CPNE5: variants seen among roughly 807,000 people sequenced by gnomAD.
CPNE5 encodes the protein copine-5.
A neutral mutation model predicts 81.1 loss-of-function variants in CPNE5; 42 were observed. The observed-to-expected ratio is 0.52, with a 90% CI of 0.40 to 0.67. CPNE5 has a LOEUF of 0.67. CPNE5 is among the 30% of genes least tolerant of loss of function. The pLI is 0.00. For synonymous variants in CPNE5, 313 were observed against 321.5 expected (o/e 0.97, Z 0.28); for missense variants, 612 against 815.5 (o/e 0.75, Z 3.04).
chr6:36,763,602 CA>C (rs55880019), intron 11 of CPNE5, among the ~76,000 whole-genome samples: 18,978 of 122,912 alleles, frequency 0.15, 1,151 homozygotes, highest in South Asian at 0.27. Context: ...GACTCTATCT[CA>C]AAAAAAAAAA....
At position 36,795,458 on chromosome 6, in the gene CPNE5, C is replaced by T. The variant is rs151106806; in HGVS notation, c.405-809G>A. On this transcript the variant is annotated intron_variant, in intron 6 of 20. Transcript: ENST00000244751. ...CCTCCCAAAGTGATTGGATTACAGG[C>T]GTGAGCCACCATGCCCAGCCTGGAG... Among the ~76,000 whole-genome samples the T allele has an allele frequency of 5.2e-3, 796 of 152,290 alleles. 3 individuals are homozygous for T. The highest frequency in any genetic ancestry group is 0.018 in the African/African-American group (748 of 41,540).
At chr6:36,773,093 G>A (rs1304912120) in intron 10 of CPNE5, among the ~76,000 whole-genome samples, 5 of 151,268 alleles carry the variant, frequency 3.3e-5, no homozygotes, top group African/African-American at 4.9e-5. Context: ...TATGTTACGC[G>A]GGCTGGTCTT....
intron 10 of CPNE5, among the ~76,000 whole-genome samples, chr6:36,768,014 C>G (rs187230171): frequency 1.3e-5 from 2 of 152,216 alleles, no homozygotes; most frequent in East Asian, 3.9e-4. Flanking sequence ...GAACTTGCAA[C>G]CCAGGTTGAG....
At chr6:36,784,102 G>T (rs1230872004) in intron 8 of CPNE5, among the ~76,000 whole-genome samples, 1 of 152,206 alleles carries the variant, frequency 6.6e-6, no homozygotes, top group African/African-American at 2.4e-5. Flanking sequence ...TCAGCTAACT[G>T]GAAAAATCCG....
intron 6 of CPNE5, among the ~76,000 whole-genome samples, chr6:36,796,086 C>T (rs1769544591): frequency 6.6e-6 from 1 of 152,094 alleles, no homozygotes; most frequent in Non-Finnish European, 1.5e-5. Context: ...GTAGCTGGGA[C>T]TACAGGCATG....
At chr6:36,762,267 C>T (rs1028453187) in intron 12 of CPNE5, among the ~76,000 whole-genome samples, 5 of 150,078 alleles carry the variant, frequency 3.3e-5, no homozygotes, top group Non-Finnish European at 5.9e-5. Flanking sequence ...CACATGCACA[C>T]GCATACACAC....
At chr6:36,800,604 C>T (rs1274799477) in intron 3 of CPNE5, among the ~76,000 whole-genome samples, 2 of 152,234 alleles carry the variant, frequency 1.3e-5, no homozygotes, top group African/African-American at 4.8e-5. Flanking sequence ...TAAAAGATCC[C>T]CACCTTTTGG....
chr6:36,776,870 C>A (rs546178386), intron 9 of CPNE5, among the ~76,000 whole-genome samples: 1 of 152,262 alleles, frequency 6.6e-6, no homozygotes, highest in African/African-American at 2.4e-5. Flanking sequence ...GGTGTCTCTG[C>A]AGGCCTTCCA....
intron 3 of CPNE5, among the ~76,000 whole-genome samples, chr6:36,817,250 G>T (rs546026537): frequency 3.9e-5 from 6 of 152,158 alleles, no homozygotes; most frequent in Non-Finnish European, 8.8e-5. Context: ...ATTTGAACCT[G>T]GGAGGCAGAG....
chr6:36,804,604 T>C (rs1770413974), intron 3 of CPNE5, among the ~76,000 whole-genome samples: 1 of 152,142 alleles, frequency 6.6e-6, no homozygotes, highest in Non-Finnish European at 1.5e-5. Context: ...TAGCAGGATT[T>C]TAGATAAGGC....
intron 1 of CPNE5, chr6:36,838,887 C>T (rs1041060717): frequency 1.2e-5 from 3 of 251,224 alleles, no homozygotes; most frequent in East Asian, 1.8e-4. Context: ...AGAGGGTGGA[C>T]GAGCCTGGGA....
In CPNE5 at chr6:36,820,335, CTTTT is replaced by C. The variant is rs1163633243; in HGVS notation, c.183+1775_183+1778del. ...GCCCAGCTTCCTTTCCTAATCCATTCTTTTTTTTTTTTTTTTTTTTTTTTGAGAT... is the reference window on the plus strand; with the variant it reads ...GCCCAGCTTCCTTTCCTAATCCATTCTTTTTTTTTTTTTTTTTTTTGAGAT... On this transcript the variant is annotated intron_variant, in intron 3 of 20. Transcript: ENST00000244751. Among the ~76,000 whole-genome samples the C allele has an allele frequency of 2.4e-4, 22 of 92,408 alleles. No individual in the cohort carries two copies. The East Asian group carries it at 3.4e-3, about 14-fold the overall frequency. 60.6% of individuals were successfully genotyped at this position (92,408 alleles called of 152,430 possible).
intron 1 of CPNE5, among the ~76,000 whole-genome samples, chr6:36,831,595 C>T (rs112836585): frequency 0.021 from 3,048 of 144,754 alleles, 74 homozygotes; most frequent in East Asian, 0.099. Flanking sequence ...GCAGAGATCA[C>T]GCCACTGCAC....
chr6:36,823,581 A>C (rs945073691), intron 1 of CPNE5, among the ~76,000 whole-genome samples: 2 of 152,164 alleles, frequency 1.3e-5, no homozygotes, highest in African/African-American at 4.8e-5. Context: ...TTAATGAATT[A>C]CACCTCCCAG....
At chr6:36,807,642 A>G (rs533183159) in intron 3 of CPNE5, among the ~76,000 whole-genome samples, 1 of 152,056 alleles carries the variant, frequency 6.6e-6, no homozygotes, top group African/African-American at 2.4e-5. Context: ...CACACCTGAG[A>G]GGGTTTTCGT....
intron 7 of CPNE5, among the ~76,000 whole-genome samples, 189 bp downstream of exon 7, chr6:36,794,398 TGCC>T (rs1769376641): frequency 6.6e-6 from 1 of 152,084 alleles, no homozygotes; most frequent in South Asian, 2.1e-4. Context: ...AGGGGCCCAC[TGCC>T]GAGTGGGGGC....
At chr6:36,745,982 C>T (rs1764114667) in intron 16 of CPNE5, among the ~76,000 whole-genome samples, 1 of 152,198 alleles carries the variant, frequency 6.6e-6, no homozygotes, top group Non-Finnish European at 1.5e-5. Context: ...CAATCATCTC[C>T]ACAGGGCCCG....
At chr6:36,815,443 G>T (rs1419181852) in intron 3 of CPNE5, among the ~76,000 whole-genome samples, 3 of 152,204 alleles carry the variant, frequency 2.0e-5, no homozygotes, top group Non-Finnish European at 4.4e-5. Flanking sequence ...AGGTGATTAG[G>T]TCAGGAGGGC....
intron 3 of CPNE5, among the ~76,000 whole-genome samples, chr6:36,820,839 C>T (rs549360155): frequency 6.6e-6 from 1 of 151,864 alleles, no homozygotes; most frequent in African/African-American, 2.4e-5. Context: ...GTCCTAAATA[C>T]CCGAAGCTGA....
Sources: allele counts gnomAD v4.1 joint callset (sites outside exome capture counted in the v4.1 genomes callset), GRCh38; gene constraint gnomAD v4.1.1; transcripts MANE v1.5; gene names NCBI Gene and HGNC (gene_info 2026-07-23, HGNC 2026-07-21).